TAFA1: variants seen among roughly 807,000 people sequenced by gnomAD.
TAFA1 encodes the protein TAFA chemokine like family member 1.
In TAFA1, 4 loss-of-function variants were observed where a neutral mutation model predicts 18.5. The ratio of observed to expected loss-of-function variants is 0.22; its 90% CI spans 0.11 to 0.49. TAFA1 has a LOEUF of 0.49. Among genes scored for constraint, TAFA1 ranks in the 20% least tolerant of loss-of-function variants. TAFA1 has a pLI of 0.98. For synonymous variants in TAFA1, 56 were observed against 55.2 expected (o/e 1.01, Z -0.06); for missense variants, 147 against 169.0 (o/e 0.87, Z 0.72).
At chr3:68,302,827 T>A (rs1029942340) in intron 2 of TAFA1, among the ~76,000 whole-genome samples, 5 of 152,184 alleles carry the variant, frequency 3.3e-5, no homozygotes, top group Admixed American at 6.5e-5. Flanking sequence ...CCTCAGTTTA[T>A]GCATTGATAA....
intron 3 of TAFA1, among the ~76,000 whole-genome samples, chr3:68,463,486 A>G (rs1318479516): frequency 1.3e-5 from 2 of 152,108 alleles, no homozygotes; most frequent in East Asian, 3.8e-4. Context: ...ATCACTGTGT[A>G]ATCAGTTTGA....
intron 3 of TAFA1, among the ~76,000 whole-genome samples, chr3:68,519,208 G>T (rs2072976706): frequency 6.6e-6 from 1 of 152,174 alleles, no homozygotes; most frequent in African/African-American, 2.4e-5. Flanking sequence ...GAATCCTCAT[G>T]AATGAAATTA....
chr3:68,208,607 A>G (rs753846177), intron 2 of TAFA1, among the ~76,000 whole-genome samples: 1 of 151,990 alleles, frequency 6.6e-6, no homozygotes, highest in Non-Finnish European at 1.5e-5. Context: ...GCAAGGCCTC[A>G]TTCTCATTTT....
At chr3:68,321,056 T>C (rs1575775280) in intron 2 of TAFA1, among the ~76,000 whole-genome samples, 1 of 152,160 alleles carries the variant, frequency 6.6e-6, no homozygotes, top group Non-Finnish European at 1.5e-5. Flanking sequence ...ACTGTCAGGG[T>C]TGAAATCGCT....
chr3:68,381,436 T>C (rs1249806327), intron 2 of TAFA1, among the ~76,000 whole-genome samples: 2 of 152,030 alleles, frequency 1.3e-5, no homozygotes, highest in African/African-American at 2.4e-5. Context: ...TGTAGCCTCT[T>C]TTATTTCATT....
chr3:68,291,292 G>A (rs1292663846), intron 2 of TAFA1, among the ~76,000 whole-genome samples: 1 of 152,052 alleles, frequency 6.6e-6, no homozygotes, highest in Non-Finnish European at 1.5e-5. Context: ...AAACACAATT[G>A]GCAGTGCAAC....
chr3:68,341,575 AG>A lies in TAFA1; in HGVS notation c.119-75702del, dbSNP rs576325717. On this transcript the variant is annotated intron_variant, in intron 2 of 4. Coordinates refer to ENST00000478136, the MANE Select transcript of TAFA1 (RefSeq NM_213609.4). ...AAGGCAGACTGGTCCCCAGGAAAGA[AG>A]GGTGTTTTTTTCTGGGGGGAAAAGG... 1.7e-3 allele frequency among the ~76,000 whole-genome samples: 255 copies of A among 152,314 alleles called. 2 individuals are homozygous for A. Among genetic ancestry groups the A allele is most frequent in the Middle Eastern group, 6.8e-3 (2 of 292 alleles).
intron 2 of TAFA1, among the ~76,000 whole-genome samples, chr3:68,022,082 A>T (rs1022132871): frequency 6.6e-6 from 1 of 152,188 alleles, no homozygotes; most frequent in Non-Finnish European, 1.5e-5. Context: ...GTCTATTTAT[A>T]TTCAATTGTG....
chr3:68,098,642 G>A (rs1053494351), intron 2 of TAFA1, among the ~76,000 whole-genome samples: 1 of 152,046 alleles, frequency 6.6e-6, no homozygotes, highest in African/African-American at 2.4e-5. Flanking sequence ...CCAATGAAGG[G>A]TAGTAAGTGC....
chr3:68,137,181 A>C (rs1248529705), intron 2 of TAFA1, among the ~76,000 whole-genome samples: 1 of 152,198 alleles, frequency 6.6e-6, no homozygotes, highest in Admixed American at 6.5e-5. Flanking sequence ...ACAGAAAAAC[A>C]AAGCAAAACA....
intron 2 of TAFA1, among the ~76,000 whole-genome samples, chr3:68,170,480 G>T (rs1170340236): frequency 6.6e-6 from 1 of 151,888 alleles, no homozygotes; most frequent in Non-Finnish European, 1.5e-5. Flanking sequence ...AAAGGAGGCT[G>T]ACCAAAATAT....
chr3:68,191,399 G>T (rs765387076), intron 2 of TAFA1, among the ~76,000 whole-genome samples: 1 of 151,784 alleles, frequency 6.6e-6, no homozygotes. Flanking sequence ...ATGGAAAAAC[G>T]TAACTATGGT....
chr3:68,145,938 G>A lies in TAFA1; in HGVS notation c.118+139194G>A, dbSNP rs190271816. Among the ~76,000 whole-genome samples, 21 of 152,050 alleles carry A rather than the reference G, an allele frequency of 1.4e-4. 1 individual carries two copies. The highest frequency in any genetic ancestry group is 9.8e-4 in the Admixed American group (15 of 15,264). The stretch of plus-strand genomic sequence containing the variant: ...ACAATTTCTTTGGTTTACACAACCC[G>A]GGGGACATGGTCCACCTCATGTTCT... On this transcript the variant is annotated intron_variant, in intron 2 of 4. Coordinates refer to ENST00000478136, the MANE Select transcript of TAFA1 (RefSeq NM_213609.4).
intron 2 of TAFA1, among the ~76,000 whole-genome samples, chr3:68,382,044 T>C (rs377549205): frequency 6.6e-6 from 1 of 152,288 alleles, no homozygotes. Context: ...AATCATGTGG[T>C]TTTTGTCTTT....
chr3:68,469,255 G>T (rs992675875), intron 3 of TAFA1, among the ~76,000 whole-genome samples: 3 of 152,050 alleles, frequency 2.0e-5, no homozygotes, highest in Non-Finnish European at 4.4e-5. Flanking sequence ...ATTGAAAGAA[G>T]AAATTTGACA....
intron 3 of TAFA1, among the ~76,000 whole-genome samples, chr3:68,526,370 T>C (rs1028935711): frequency 5.3e-5 from 8 of 152,150 alleles, no homozygotes; most frequent in African/African-American, 1.9e-4. Context: ...TCTTCTCTAG[T>C]GGGAGTAAGA....
chr3:68,513,272 C>A (rs373097653), intron 3 of TAFA1, among the ~76,000 whole-genome samples: 5 of 152,044 alleles, frequency 3.3e-5, no homozygotes, highest in African/African-American at 9.6e-5. Context: ...TAACAAATGC[C>A]ATGTAGATAG....
At chr3:68,395,907 A>G (rs2106729227) in intron 2 of TAFA1, among the ~76,000 whole-genome samples, 1 of 152,144 alleles carries the variant, frequency 6.6e-6, no homozygotes, top group Non-Finnish European at 1.5e-5. Flanking sequence ...ATACCTATGT[A>G]ACAAACTTAC....
At chr3:68,252,658 T>C (rs1296264029) in intron 2 of TAFA1, among the ~76,000 whole-genome samples, 2 of 152,184 alleles carry the variant, frequency 1.3e-5, no homozygotes, top group East Asian at 3.9e-4. Flanking sequence ...AAGTACTTTC[T>C]GAAGCCAAAC....
Sources: gnomAD v4.1 joint callset for allele counts (sites outside exome capture counted in the v4.1 genomes callset) on GRCh38, gnomAD v4.1.1 for gene constraint, MANE v1.5 for transcripts, NCBI Gene and HGNC (gene_info 2026-07-23, HGNC 2026-07-21) for gene names.